ARRB2: variants seen among roughly 807,000 people sequenced by gnomAD.
ARRB2 encodes arrestin beta 2.
Under a neutral mutation model 53.4 loss-of-function variants are expected in ARRB2, and 21 were observed. That is an observed-to-expected ratio of 0.39 (90% CI 0.28 to 0.57). The LOEUF (loss-of-function observed/expected upper bound fraction) is 0.57, where lower values mean the gene tolerates loss of function less well. Among genes scored for constraint, ARRB2 ranks in the 20% least tolerant of loss-of-function variants. The pLI, the probability that ARRB2 is intolerant of heterozygous loss-of-function variation, is 0.55. For synonymous variants in ARRB2, 180 were observed against 212.9 expected (o/e 0.85, Z 1.34); for missense variants, 369 against 527.5 (o/e 0.70, Z 2.94).
chr17:4,716,338 G>A (rs1459391323), intron 4 of ARRB2, 74 bp from the exon 5 acceptor site: 4 of 1,609,430 alleles, frequency 2.5e-6, no homozygotes, highest in African/African-American at 1.3e-5. Flanking sequence ...GCTGAGGGAG[G>A]AGCAGCGGCT....
At chr17:4,718,187 T>A (rs1323071664) in intron 8 of ARRB2, 74 bp from the exon 9 acceptor site, 2 of 1,546,104 alleles carry the variant, frequency 1.3e-6, no homozygotes, top group Admixed American at 1.9e-5. Flanking sequence ...ACAATGTGTC[T>A]GTGTTTGGGG....
rs373134969 is a variant in ARRB2 at position 4,716,685 on chromosome 17, G to T, written c.357+77G>T. ...TCTGGGGTGGGGGTAAGGCACTGCT[G>T]TGGGCAGATCTGGAAGAAACAGTGA... is the stretch of plus-strand genomic sequence containing the variant. On this transcript the variant is annotated intron_variant, in intron 5 of 14. Transcript: ENST00000269260. The T allele has an allele frequency of 3.7e-4, 567 of 1,512,696 alleles. 5 individuals carry two copies. In the African/African-American group the frequency reaches 6.4e-3, roughly 17 times the overall value. The allele number at this position is 1,512,696 out of a possible 1,614,324, so 93.7% of individuals were successfully genotyped here. A position where few individuals can be genotyped will look rare whatever the true frequency, so the allele number is the denominator to read the frequency against.
chr17:4,715,025 G>C lies in ARRB2; in HGVS notation c.36G>C (p.Lys12Asn). ...TCTGTTTTGTTAGGGTCTTCAAGAA[G>C]TCGAGCCCTAACTGCAAGGTGAGTC... Reference protein sequence around the residue: ...GEKPGTRVFKKSSPNCKLTVY... With the variant: ...GEKPGTRVFKNSSPNCKLTVY... The change falls in exon 2 of 15, where the codon AAG becomes AAC. Residue 12 changes from lysine (K) to asparagine (N), a missense_variant. Lys to Asn is a moderately conservative substitution (Grantham distance 94). Transcript: ENST00000269260. The C allele has an allele frequency of 6.2e-7, 1 of 1,605,228 alleles. No homozygotes were observed. Among genetic ancestry groups the C allele is most frequent in the Non-Finnish European group, 8.5e-7 (1 of 1,175,672 alleles).
intron 10 of ARRB2, 98 bp downstream of exon 10, chr17:4,718,782 CT>C (rs11463798): frequency 0.023 from 19,226 of 846,664 alleles, 96 homozygotes; most frequent in East Asian, 0.027. Flanking sequence ...CCATCTCCAC[CT>C]TTTTTTTTTT....
rs1914284756 is a variant in ARRB2, at chr17:4,710,637, G to A, written c.-85G>A. ...AGCGCGGAGGGCGCGCGTGCGCATT[G>A]GCGCGGGGAGGAGCAGGGATCTTGG... is the stretch of plus-strand genomic sequence containing the variant. On this transcript the variant is annotated 5_prime_UTR_variant, in exon 1 of 15. Transcript: ENST00000269260. 1 of 397,826 alleles carries A rather than the reference G, an allele frequency of 2.5e-6. No individual in the cohort carries two copies. Among genetic ancestry groups the A allele is most frequent in the East Asian group, 3.6e-5 (1 of 27,992 alleles). 24.6% of individuals were successfully genotyped at this position (397,826 alleles called of 1,614,324 possible). A position where few individuals can be genotyped will look rare whatever the true frequency, so the allele number is the denominator to read the frequency against.
rs1914638612 is a variant in ARRB2, at chr17:4,713,511, G to A, written c.24-1502G>A. Among the ~76,000 whole-genome samples the A allele has an allele frequency of 2.0e-5, 3 of 151,696 alleles. No homozygotes were observed. In the South Asian group the frequency reaches 6.2e-4, roughly 32 times the overall value. ...CCGGGCGTGGTGGTGGGTGCCTGTA[G>A]TCCCAGCTACTCGGGAGGCTGAGGC... On this transcript the variant is annotated intron_variant, in intron 1 of 14. Coordinates refer to ENST00000269260, the MANE Select transcript of ARRB2 (RefSeq NM_004313.4).
At chr17:4,718,413 T>C in intron 9 of ARRB2, 68 bp downstream of exon 9, 2 of 1,522,506 alleles carry the variant, frequency 1.3e-6, no homozygotes, top group Admixed American at 3.6e-5. Context: ...CCTGGTGTGA[T>C]CTCAGCCCAG....
intron 2 of ARRB2, 144 bp downstream of exon 2, chr17:4,715,187 T>G: frequency 1.0e-6 from 1 of 963,534 alleles, no homozygotes; most frequent in Non-Finnish European, 1.5e-6. Flanking sequence ...GCCGACTTCC[T>G]TCCCTCCTGA....
Position 4,720,604 on chromosome 17 carries a change from T to A in ARRB2, c.1100T>A (p.Val367Asp). Residue 367 changes from valine (V) to aspartate (D), a missense_variant, in exon 14 of 15, where the codon GTC becomes GAC. Val to Asp is a radical substitution (Grantham distance 152). Transcript: ENST00000269260. ...RPQSAAPETD[V>D]PVDTNLIEFD... ...CCCCCAGCCGCTCCGGAGACAGATG[T>A]CCCTGTGGACACCAACCTCATTGAA... The A allele has an allele frequency of 6.3e-7, 1 of 1,591,308 alleles. No individual in the cohort carries two copies.
rs1597491091 is a variant in ARRB2, at chr17:4,721,183, C to T, written c.*144C>T. The T allele has an allele frequency of 1.4e-5, 11 of 766,040 alleles. No homozygotes were observed. In the East Asian group the frequency reaches 3.0e-4, roughly 21 times the overall value. The allele number at this position is 766,040 out of a possible 1,614,324, so 47.5% of individuals were successfully genotyped here. A position where few individuals can be genotyped will look rare whatever the true frequency, so the allele number is the denominator to read the frequency against. ...TCTTCAACCAATCCCTTCACACTCT[C>T]TCCCCCATCCCCCCAAGATACACAC... On this transcript the variant is annotated 3_prime_UTR_variant, in exon 15 of 15. Coordinates refer to ENST00000269260, the MANE Select transcript of ARRB2 (RefSeq NM_004313.4). The surrounding 1 kb of genome is among the most constrained non-coding windows in gnomAD (Gnocchi z 4.2).
chr17:4,716,668 G>T lies in ARRB2; in HGVS notation c.357+60G>T, dbSNP rs755341248. On this transcript the variant is annotated intron_variant, in intron 5 of 14. Transcript: ENST00000269260. ...CTGGGGCTGGGACTGTGTCTGGGGT[G>T]GGGGTAAGGCACTGCTGTGGGCAGA... 22 of 1,534,312 alleles carry T rather than the reference G, an allele frequency of 1.4e-5. No individual in the cohort carries two copies. In the African/African-American group the frequency reaches 2.3e-4, roughly 16 times the overall value.
intron 1 of ARRB2, among the ~76,000 whole-genome samples, chr17:4,711,626 A>G (rs2150580101): frequency 6.6e-6 from 1 of 152,186 alleles, no homozygotes; most frequent in South Asian, 2.1e-4. Flanking sequence ...TCCAACCTAT[A>G]GAGTATGAGA....
chr17:4,714,958 G>A, intron 1 of ARRB2, 55 bp from the exon 2 acceptor site: 1 of 1,556,676 alleles, frequency 6.4e-7, no homozygotes, highest in Non-Finnish European at 8.7e-7. Flanking sequence ...GTCCTGGTGT[G>A]GGGTCCCTGC....
At chr17:4,715,326 G>A in intron 2 of ARRB2, 1 of 463,570 alleles carries the variant, frequency 2.2e-6, no homozygotes, top group South Asian at 3.5e-5. Flanking sequence ...CCTCCTAGGA[G>A]CCAACCCAAG....
intron 14 of ARRB2, 111 bp downstream of exon 14, chr17:4,720,751 A>G (rs1223583918): frequency 3.5e-5 from 40 of 1,150,268 alleles, no homozygotes; most frequent in Non-Finnish European, 4.2e-5. Context: ...GGATTGTAGC[A>G]TCAAATCAAG....
chr17:4,712,496 C>T (rs1056156929), intron 1 of ARRB2, among the ~76,000 whole-genome samples: 3 of 152,234 alleles, frequency 2.0e-5, no homozygotes, highest in African/African-American at 7.2e-5. Context: ...ACTGTGGTAA[C>T]CTGCCCATTG....
Position 4,717,590 on chromosome 17 carries a change from A to T in ARRB2, c.418-95A>T, listed in dbSNP as rs1387793781. Reference sequence around the variant, plus strand: ...GGTCGTGAGACCACAATGAGGCAAGAGTCCCTGCCCGAGAGGAGGGAAGGG... The same window carrying T: ...GGTCGTGAGACCACAATGAGGCAAGTGTCCCTGCCCGAGAGGAGGGAAGGG... On this transcript the variant is annotated intron_variant, in intron 6 of 14. Transcript: ENST00000269260. This position sits in a 1 kb window ranked among gnomAD's most constrained non-coding sequence, Gnocchi z 6.0. 8.1e-6 allele frequency: 12 copies of T among 1,487,644 alleles called. No individual in the cohort carries two copies. Among genetic ancestry groups the T allele is most frequent in the Non-Finnish European group, 1.1e-5 (12 of 1,069,480 alleles). The allele number at this position is 1,487,644 out of a possible 1,614,324, so 92.2% of individuals were successfully genotyped here. A position where few individuals can be genotyped will look rare whatever the true frequency, so the allele number is the denominator to read the frequency against.
chr17:4,715,373 T>C, intron 2 of ARRB2: 1 of 403,598 alleles, frequency 2.5e-6, no homozygotes. Flanking sequence ...GCCCCCGGGC[T>C]ATGGCCTATT....
In ARRB2 at chr17:4,717,813, C is replaced by G; in HGVS notation, c.485+61C>G. The stretch of plus-strand genomic sequence containing the variant: ...GGCTTTCCTCCCCGCTTCCAGGAGC[C>G]CAGGCCCCGTGCGGGGGAGGAGTAG... On this transcript the variant is annotated intron_variant, in intron 7 of 14. Coordinates refer to ENST00000269260, the MANE Select transcript of ARRB2 (RefSeq NM_004313.4). The surrounding 1 kb of genome is among the most constrained non-coding windows in gnomAD (Gnocchi z 6.0). 6.2e-7 allele frequency: 1 copy of G among 1,601,928 alleles called. No individual in the cohort carries two copies. Among genetic ancestry groups the G allele is most frequent in the Non-Finnish European group, 8.5e-7 (1 of 1,173,850 alleles).
Sources: gnomAD v4.1 joint callset for allele counts (sites outside exome capture counted in the v4.1 genomes callset) on GRCh38, gnomAD v4.1.1 for gene constraint, Gnocchi (gnomAD v3.1) non-coding constraint, MANE v1.5 for transcripts, NCBI Gene and HGNC (gene_info 2026-07-23, HGNC 2026-07-21) for gene names.